Variants in SDHAF2 observed in about 807,000 individuals in gnomAD.
The protein encoded by SDHAF2 is succinate dehydrogenase complex assembly factor 2, also known as succinate dehydrogenase assembly factor 2, mitochondrial.
In SDHAF2, 21 loss-of-function variants were observed where a neutral mutation model predicts 18.5. The observed-to-expected ratio is 1.13, with a 90% CI of 0.80 to 1.63. SDHAF2 has a LOEUF of 1.63. Ranked by LOEUF, SDHAF2 falls within the 40% of genes most tolerant of loss-of-function variation. SDHAF2 has a pLI of 0.00. For synonymous variants in SDHAF2, 84 were observed against 70.7 expected, an observed-to-expected ratio of 1.19 and a Z score of -0.94; for missense variants, 195 against 200.3, an observed-to-expected ratio of 0.97 and a Z score of 0.16.
intron 1 of SDHAF2, 200 bp downstream of exon 1, chr11:61,430,382 G>A: frequency 1.5e-6 from 1 of 648,092 alleles, no homozygotes; most frequent in Non-Finnish European, 2.7e-6. Context: ...GTGCCGGTCT[G>A]GAAATATCTG....
At chr11:61,432,906 C>T (rs2135442552) in intron 1 of SDHAF2, 1 of 152,132 alleles carries the variant, frequency 6.6e-6, no homozygotes, top group South Asian at 2.1e-4. Context: ...TATATTGTCT[C>T]CATTAACAAA....
chr11:61,443,762 C>G (rs1297033519), intron 3 of SDHAF2, among the ~76,000 whole-genome samples: 1 of 152,124 alleles, frequency 6.6e-6, no homozygotes, highest in East Asian at 1.9e-4. Context: ...CAATCACGTG[C>G]CACCACACCT....
chr11:61,439,040 T>G (rs1402662235), intron 3 of SDHAF2, among the ~76,000 whole-genome samples: 1 of 150,870 alleles, frequency 6.6e-6, no homozygotes, highest in Non-Finnish European at 1.5e-5. Context: ...TGAGACTATG[T>G]CTCAAAAAAA....
rs780194184 is a variant in SDHAF2, at chr11:61,438,080, A to G, written c.337A>G (p.Ser113Gly). Residue 113 changes from serine (S) to glycine (G), a missense_variant, in exon 3 of 4, where the codon AGT (serine) becomes GGT (glycine). Transcript: ENST00000301761. ...CTATGACCGCCTGATTAACGAGCCT[A>G]GTAATGACTGGGATATTTACTACTG... ...NLYDRLINEPSNDWDIYYWAT... is the reference protein window; with the variant it reads ...NLYDRLINEPGNDWDIYYWAT... 2 of 1,613,990 alleles carry G rather than the reference A, an allele frequency of 1.2e-6. No individual in the cohort carries two copies. Among genetic ancestry groups the G allele is most frequent in the South Asian group, 1.1e-5 (1 of 91,090 alleles).
chr11:61,435,679 A>C (rs1447972222), intron 1 of SDHAF2: 1 of 151,872 alleles, frequency 6.6e-6, no homozygotes, highest in Non-Finnish European at 1.5e-5. Context: ...TGCTCCCTCT[A>C]GTGTCTGCGT....
At chr11:61,431,827 A>C (rs1861927826) in intron 1 of SDHAF2, 1 of 152,266 alleles carries the variant, frequency 6.6e-6, no homozygotes, top group African/African-American at 2.4e-5. Context: ...AGTAGCTGGG[A>C]CTACAGGCGC....
chr11:61,443,861 C>T (rs1227424693), intron 3 of SDHAF2, among the ~76,000 whole-genome samples: 1 of 152,096 alleles, frequency 6.6e-6, no homozygotes, highest in African/African-American at 2.4e-5. Context: ...GCAAGCTCTG[C>T]CTCTTGGGTT....
At chr11:61,436,791 G>C (rs1390757879) in intron 1 of SDHAF2, 1 of 930,440 alleles carries the variant, frequency 1.1e-6, no homozygotes, top group South Asian at 1.4e-5. Flanking sequence ...TGTTGGCTCA[G>C]TGTCTCCATC....
intron 1 of SDHAF2, chr11:61,433,987 A>G (rs1217205550): frequency 6.6e-6 from 1 of 152,266 alleles, no homozygotes; most frequent in Non-Finnish European, 1.5e-5. Context: ...TCTTGGGTTC[A>G]AGCAATCCTC....
Position 61,438,123 on chromosome 11 carries a change from A to G in SDHAF2, c.370+10A>G, listed in dbSNP as rs754379604. 1.3e-5 allele frequency: 20 copies of G among 1,577,226 alleles called. No individual in the cohort carries two copies. The highest frequency in any genetic ancestry group is 1.6e-5 in the Non-Finnish European group (18 of 1,146,314). ...TACTACTGGGCCACAGGTACTGGGT[A>G]TGATAAGCAGCATAATGTGAAAATA... On this transcript the variant is annotated intron_variant, in intron 3 of 3. Coordinates refer to ENST00000301761, the MANE Select transcript of SDHAF2 (RefSeq NM_017841.4).
intron 3 of SDHAF2, among the ~76,000 whole-genome samples, chr11:61,442,040 T>A (rs1236256155): frequency 1.3e-5 from 2 of 152,014 alleles, no homozygotes; most frequent in Non-Finnish European, 1.5e-5. Flanking sequence ...GGCAGCACCA[T>A]GCCCAGCTAA....
intron 1 of SDHAF2, among the ~76,000 whole-genome samples, chr11:61,437,244 G>A (rs1162062271): frequency 1.3e-5 from 2 of 152,096 alleles, no homozygotes; most frequent in African/African-American, 2.4e-5. Context: ...CTGGAATGCA[G>A]TGGTACGATC....
chr11:61,437,007 G>A (rs1052967233), intron 1 of SDHAF2: 31 of 1,170,696 alleles, frequency 2.6e-5, no homozygotes, highest in Non-Finnish European at 3.3e-5. Context: ...TTAAGGGAGT[G>A]CAAAGGAAGG....
chr11:61,436,547 C>G (rs898753431), intron 1 of SDHAF2, among the ~76,000 whole-genome samples: 15 of 152,206 alleles, frequency 9.9e-5, no homozygotes, highest in Non-Finnish European at 2.2e-4. Context: ...CCTGATCCCC[C>G]CAAAAGTCCG....
At chr11:61,445,723 A>C (rs1590769153) in intron 3 of SDHAF2, among the ~76,000 whole-genome samples, 1 of 152,226 alleles carries the variant, frequency 6.6e-6, no homozygotes, top group South Asian at 2.1e-4. Flanking sequence ...TATGTAAACC[A>C]TTGGGAGCAG....
intron 3 of SDHAF2, among the ~76,000 whole-genome samples, chr11:61,445,717 T>C (rs1033898583): frequency 3.3e-5 from 5 of 152,220 alleles, no homozygotes; most frequent in African/African-American, 1.2e-4. Flanking sequence ...GGGTAATATG[T>C]AAACCATTGG....
Position 61,438,031 on chromosome 11 carries a change from C to T in SDHAF2, c.288C>T (p.His96=), listed in dbSNP as rs764919936. The change falls in exon 3 of 4, where the codon CAC becomes CAT. Residue 96 remains histidine, a synonymous_variant. Coordinates refer to ENST00000301761, the MANE Select transcript of SDHAF2 (RefSeq NM_017841.4). ...TTTTTGCTAAAGAACATCTGCAGCACATGACAGAAAAGCAGCTGAACCTCT... is the reference window on the plus strand; with the variant it reads ...TTTTTGCTAAAGAACATCTGCAGCATATGACAGAAAAGCAGCTGAACCTCT... The part of the protein sequence containing the change: ...LSLFAKEHLQ[H]MTEKQLNLYD... The T allele has an allele frequency of 6.2e-7, 1 of 1,613,982 alleles. No homozygotes were observed. Among genetic ancestry groups the T allele is most frequent in the South Asian group, 1.1e-5 (1 of 91,062 alleles).
At chr11:61,439,254 C>G (rs1862035402) in intron 3 of SDHAF2, among the ~76,000 whole-genome samples, 1 of 152,132 alleles carries the variant, frequency 6.6e-6, no homozygotes, top group Non-Finnish European at 1.5e-5. Flanking sequence ...GTCCAGGTCC[C>G]CCCTACTTGC....
In SDHAF2 at chr11:61,446,700, AAG is replaced by A. The variant is rs1354480589; in HGVS notation, c.*633_*634del. 2.5e-6 allele frequency: 1 copy of A among 399,504 alleles called. No homozygotes were observed. The highest frequency in any genetic ancestry group is 2.1e-5 in the African/African-American group (1 of 48,634). 24.7% of individuals were successfully genotyped at this position (399,504 alleles called of 1,614,324 possible). On this transcript the variant is annotated 3_prime_UTR_variant, in exon 4 of 4. Transcript: ENST00000301761. Reference sequence around the variant, plus strand: ...TTAAAACGTGCACTTTGTAATTTGAAAGAGAATTATTAAAGCATACTGAAAAA... The same window carrying A: ...TTAAAACGTGCACTTTGTAATTTGAAAGAATTATTAAAGCATACTGAAAAA...
Sources: gnomAD v4.1 joint callset for allele counts (sites outside exome capture counted in the v4.1 genomes callset) on GRCh38, gnomAD v4.1.1 for gene constraint, MANE v1.5 for transcripts, NCBI Gene and HGNC (gene_info 2026-07-23, HGNC 2026-07-21) for gene names.